The following PTPRD variants were observed in gnomAD, a reference collection of about 807,000 sequenced individuals.
PTPRD encodes the protein receptor-type tyrosine-protein phosphatase delta.
PTPRD carries 34 observed loss-of-function variants against 214.5 expected under a neutral mutation model. That is an observed-to-expected ratio of 0.16 (90% CI 0.12 to 0.21). The LOEUF is 0.21. Among genes scored for constraint, PTPRD ranks in the 10% least tolerant of loss-of-function variants. PTPRD has a pLI of 1.00. For synonymous variants in PTPRD, 1,128 were observed against 845.7 expected, an observed-to-expected ratio of 1.33 and a Z score of -5.79; for missense variants, 2,545 against 2,398.7, an observed-to-expected ratio of 1.06 and a Z score of -1.27.
chr9:10,577,475 TCTTAC>T (rs2069831169), intron 2 of PTPRD, among the ~76,000 whole-genome samples: 1 of 152,228 alleles, frequency 6.6e-6, no homozygotes, highest in South Asian at 2.1e-4. Flanking sequence ...CTGGATCATG[TCTTAC>T]CTTGTATTTA....
chr9:9,932,154 C>G (rs1464266789), intron 5 of PTPRD, among the ~76,000 whole-genome samples: 4 of 148,394 alleles, frequency 2.7e-5, no homozygotes, highest in Non-Finnish European at 4.4e-5. Context: ...ACTGGAAACT[C>G]TAAAATGCAG....
intron 33 of PTPRD, among the ~76,000 whole-genome samples, chr9:8,450,303 T>C (rs2095885059): frequency 6.6e-6 from 1 of 152,284 alleles, no homozygotes; most frequent in African/African-American, 2.4e-5. Flanking sequence ...AAGTGGTGAC[T>C]ACAGAGAGTA....
At chr9:9,019,339 C>CGAAA (rs1240071896) in intron 10 of PTPRD, among the ~76,000 whole-genome samples, 8 of 59,206 alleles carry the variant, frequency 1.4e-4, no homozygotes, top group East Asian at 1.8e-3. Context: ...AAAGAAAGAA[C>CGAAA]GAAAGAAAGA....
intron 12 of PTPRD, among the ~76,000 whole-genome samples, chr9:8,643,150 G>A (rs973337545): frequency 2.6e-5 from 4 of 152,100 alleles, no homozygotes; most frequent in African/African-American, 9.7e-5. Flanking sequence ...AAAACCACCT[G>A]TTAGTTTTAA....
intron 12 of PTPRD, among the ~76,000 whole-genome samples, chr9:8,723,524 G>T (rs1048134128): frequency 1.3e-5 from 2 of 152,172 alleles, no homozygotes; most frequent in Admixed American, 6.5e-5. Flanking sequence ...GTGGTAACAG[G>T]AATCTGGATC....
At chr9:9,211,515 GCACACA>G (rs36213005) in intron 9 of PTPRD, among the ~76,000 whole-genome samples, 8,514 of 143,554 alleles carry the variant, frequency 0.059, 390 homozygotes, top group East Asian at 0.19. Flanking sequence ...GTGTGCGCAC[GCACACA>G]CACACACACA....
At chr9:9,436,658 G>C (rs1588384252) in intron 8 of PTPRD, among the ~76,000 whole-genome samples, 1 of 150,116 alleles carries the variant, frequency 6.7e-6, no homozygotes, top group East Asian at 1.9e-4. Context: ...ATTCAAAAAT[G>C]GCACATTTCA....
At chr9:9,405,067 T>C (rs918789930) in intron 8 of PTPRD, among the ~76,000 whole-genome samples, 3 of 152,084 alleles carry the variant, frequency 2.0e-5, no homozygotes, top group East Asian at 1.9e-4. Flanking sequence ...ACCAGCTCTT[T>C]ATTATTCCAG....
intron 8 of PTPRD, among the ~76,000 whole-genome samples, chr9:9,454,102 G>A (rs1431098010): frequency 6.6e-6 from 1 of 151,570 alleles, no homozygotes; most frequent in East Asian, 1.9e-4. Flanking sequence ...GTAAGACAAT[G>A]TTTACTATGT....
At chr9:10,558,440 G>C (rs1287936782) in intron 2 of PTPRD, among the ~76,000 whole-genome samples, 1 of 152,014 alleles carries the variant, frequency 6.6e-6, no homozygotes, top group Non-Finnish European at 1.5e-5. Flanking sequence ...ATCCACCAAG[G>C]AGATGTACCT....
intron 3 of PTPRD, among the ~76,000 whole-genome samples, chr9:10,255,998 C>T (rs1165876686): frequency 6.6e-6 from 1 of 152,138 alleles, no homozygotes; most frequent in Non-Finnish European, 1.5e-5. Flanking sequence ...GCCTGAGCTC[C>T]ACCTCCTGTC....
chr9:8,517,872 T>C lies in PTPRD; in HGVS notation c.1519A>G (p.Ile507Val), dbSNP rs762646937. 20 of 1,613,788 alleles carry C rather than the reference T, an allele frequency of 1.2e-5. No individual in the cohort carries two copies. The highest frequency in any genetic ancestry group is 1.3e-5 in the African/African-American group (1 of 74,944). Residue 507 changes from isoleucine (I) to valine (V), a missense_variant, in exon 21 of 46, where the codon ATA becomes GTA. Ile to Val is a conservative substitution (Grantham distance 29). Transcript: ENST00000381196. ...CCTCCTGTCTGAGTGATGACTTGTA[T>C]GTCACTTGAAAGGGGACCATCTCCA... ...SIGDGPLSSDIQVITQTGVPG... is the reference protein window; with the variant it reads ...SIGDGPLSSDVQVITQTGVPG...
intron 5 of PTPRD, among the ~76,000 whole-genome samples, chr9:9,794,201 G>GTGTGTA (rs151156771): frequency 6.8e-6 from 1 of 147,030 alleles, no homozygotes; most frequent in African/African-American, 2.5e-5. Context: ...GTGTGTGTGT[G>GTGTGTA]TATATATATA....
intron 7 of PTPRD, among the ~76,000 whole-genome samples, chr9:9,634,766 G>A (rs2095702934): frequency 6.6e-6 from 1 of 152,134 alleles, no homozygotes; most frequent in South Asian, 2.1e-4. Context: ...TAATTTGAAT[G>A]TGTATAGAGT....
At chr9:9,071,793 G>C (rs537685456) in intron 10 of PTPRD, among the ~76,000 whole-genome samples, 2 of 152,262 alleles carry the variant, frequency 1.3e-5, no homozygotes, top group Admixed American at 1.3e-4. Context: ...AAAACTGGGA[G>C]AAAACAAGTG....
At chr9:9,097,397 T>C (rs556618886) in intron 10 of PTPRD, among the ~76,000 whole-genome samples, 2 of 149,360 alleles carry the variant, frequency 1.3e-5, no homozygotes, top group Admixed American at 6.8e-5. Flanking sequence ...TAGCACACCA[T>C]GGCTCTTTTT....
intron 6 of PTPRD, among the ~76,000 whole-genome samples, chr9:9,747,072 T>C (rs759522826): frequency 1.3e-5 from 2 of 152,114 alleles, no homozygotes; most frequent in Non-Finnish European, 2.9e-5. Flanking sequence ...ACTGGGGTCA[T>C]GCTCCACTGC....
At chr9:10,207,113 G>C (rs549752731) in intron 3 of PTPRD, among the ~76,000 whole-genome samples, 1 of 152,060 alleles carries the variant, frequency 6.6e-6, no homozygotes, top group Non-Finnish European at 1.5e-5. Flanking sequence ...ACAAGATATA[G>C]AATATACCCA....
intron 3 of PTPRD, among the ~76,000 whole-genome samples, chr9:10,238,035 T>C (rs79668211): frequency 2.4e-4 from 27 of 112,392 alleles, no homozygotes; most frequent in East Asian, 8.9e-4. Flanking sequence ...CATTTGCTTT[T>C]TTTTTTAAAA....
Sources: allele counts gnomAD v4.1 joint callset (sites outside exome capture counted in the v4.1 genomes callset), GRCh38; gene constraint gnomAD v4.1.1; transcripts MANE v1.5; gene names NCBI Gene and HGNC (gene_info 2026-07-23, HGNC 2026-07-21).